Variants in CLOCK observed in about 807,000 individuals in gnomAD.
The protein encoded by CLOCK is circadian locomoter output cycles protein kaput.
A neutral mutation model predicts 118.4 loss-of-function variants in CLOCK; 43 were observed. That is an observed-to-expected ratio of 0.36 (90% CI 0.28 to 0.47). The LOEUF (loss-of-function observed/expected upper bound fraction) is 0.47, where lower values mean the gene tolerates loss of function less well. CLOCK is among the 20% of genes least tolerant of loss of function. The pLI, the probability that CLOCK is intolerant of heterozygous loss-of-function variation, is 1.00. For missense variants in CLOCK, 846 were observed against 999.9 expected (o/e 0.85, Z 2.08); for synonymous variants, 326 against 339.2 (o/e 0.96, Z 0.43).
chr4:55,498,090 G>A (rs1038668412), intron 2 of CLOCK, among the ~76,000 whole-genome samples: 4 of 152,104 alleles, frequency 2.6e-5, no homozygotes, highest in African/African-American at 9.7e-5. Flanking sequence ...GCTAGGTTTA[G>A]AGCTAATTCA....
intron 2 of CLOCK, among the ~76,000 whole-genome samples, chr4:55,495,638 AC>A (rs1728018005): frequency 6.6e-6 from 1 of 151,528 alleles, no homozygotes; most frequent in Admixed American, 6.6e-5. Context: ...CCTCTCCAAT[AC>A]CTCTTTTGAA....
At chr4:55,485,534 T>A (rs995363464) in intron 3 of CLOCK, among the ~76,000 whole-genome samples, 3 of 152,196 alleles carry the variant, frequency 2.0e-5, no homozygotes, top group African/African-American at 7.2e-5. Context: ...GTCACACTTG[T>A]CCATGCTGTG....
intron 2 of CLOCK, among the ~76,000 whole-genome samples, chr4:55,498,248 T>G (rs1728210936): frequency 6.6e-6 from 1 of 152,220 alleles, no homozygotes; most frequent in African/African-American, 2.4e-5. Flanking sequence ...TTCCCCTTTG[T>G]GCAATAATCA....
intron 4 of CLOCK, among the ~76,000 whole-genome samples, chr4:55,480,916 AT>A (rs76851628): frequency 0.3 from 45,302 of 150,364 alleles, 7,467 homozygotes; most frequent in East Asian, 0.58. Flanking sequence ...ATGAGTTTTA[AT>A]TTTTTTTAAA....
At chr4:55,545,095 A>ACAT in intron 1 of CLOCK, among the ~76,000 whole-genome samples, 1 of 146,142 alleles carries the variant, frequency 6.8e-6, no homozygotes, top group Non-Finnish European at 1.5e-5. Flanking sequence ...TTTAAGTTCT[A>ACAT]GGGTACATGT....
At chr4:55,502,891 T>C (rs1046100410) in intron 2 of CLOCK, among the ~76,000 whole-genome samples, 10 of 152,224 alleles carry the variant, frequency 6.6e-5, no homozygotes, top group African/African-American at 2.4e-4. Flanking sequence ...AACAGGCATT[T>C]GAAAATATTC....
intron 2 of CLOCK, among the ~76,000 whole-genome samples, chr4:55,499,499 T>C (rs1210189679): frequency 1.3e-5 from 2 of 152,226 alleles, no homozygotes; most frequent in East Asian, 3.8e-4. Flanking sequence ...ATAAGGAGCA[T>C]ACAACCTAGA....
At chr4:55,504,002 A>AAAAAAAAAAAAAAAAC (rs1728608664) in intron 2 of CLOCK, among the ~76,000 whole-genome samples, 1 of 148,508 alleles carries the variant, frequency 6.7e-6, no homozygotes. Flanking sequence ...AAAAAAAAAA[A>AAAAAAAAAAAAAAAAC]AGCCGGGCAC....
chr4:55,540,007 A>AT (rs57907284), intron 1 of CLOCK, among the ~76,000 whole-genome samples: 114 of 136,008 alleles, frequency 8.4e-4, no homozygotes, highest in South Asian at 4.9e-3. Context: ...AATGATATTA[A>AT]TTTTTTTTTT....
At chr4:55,512,712 C>T (rs946691646) in intron 1 of CLOCK, among the ~76,000 whole-genome samples, 1 of 152,132 alleles carries the variant, frequency 6.6e-6, no homozygotes, top group Non-Finnish European at 1.5e-5. Flanking sequence ...ACATTTAGGT[C>T]TCTGATCCAT....
chr4:55,497,068 T>G (rs554923995), intron 2 of CLOCK, among the ~76,000 whole-genome samples: 13 of 152,310 alleles, frequency 8.5e-5, no homozygotes, highest in African/African-American at 2.9e-4. Context: ...CAACACAAAT[T>G]TACTATCTTA....
At position 55,446,603 on chromosome 4, in the gene CLOCK, C is replaced by T. The variant is rs1462503271; in HGVS notation, c.1540-1818G>A. ...GACTAGGCAAGTATGAATGAATAAA[C>T]GCATACATGAATGAAAATAAAATTA... On this transcript the variant is annotated intron_variant, in intron 18 of 22. Transcript: ENST00000513440. 2.6e-5 allele frequency among the ~76,000 whole-genome samples: 4 copies of T among 152,088 alleles called. No homozygotes were observed. In the East Asian group the frequency reaches 7.7e-4, roughly 29 times the overall value.
At chr4:55,453,355 CTTAAA>C (rs1466522206) in intron 14 of CLOCK, 9 of 502,286 alleles carry the variant, frequency 1.8e-5, no homozygotes, top group East Asian at 6.4e-5. Context: ...CCACACAATA[CTTAAA>C]TTAAGAAAAA....
At chr4:55,463,344 G>A (rs1725505152) in intron 9 of CLOCK, among the ~76,000 whole-genome samples, 1 of 151,854 alleles carries the variant, frequency 6.6e-6, no homozygotes, top group African/African-American at 2.4e-5. Context: ...AAATTAGAAT[G>A]TTTAATTTTC....
intron 7 of CLOCK, among the ~76,000 whole-genome samples, chr4:55,473,166 A>G (rs1335584775): frequency 1.3e-5 from 2 of 152,092 alleles, no homozygotes; most frequent in African/African-American, 4.8e-5. Flanking sequence ...CAGAGGTTGC[A>G]GTGGGCAGAT....
chr4:55,482,802 G>T lies in CLOCK; in HGVS notation c.-17C>A, dbSNP rs1291758667. 6.3e-7 allele frequency: 1 copy of T among 1,599,440 alleles called. No individual in the cohort carries two copies. Among genetic ancestry groups the T allele is most frequent in the Non-Finnish European group, 8.6e-7 (1 of 1,169,544 alleles). On this transcript the variant is annotated 5_prime_UTR_variant, in exon 4 of 23. Coordinates refer to ENST00000513440, the MANE Select transcript of CLOCK (RefSeq NM_004898.4). ...AAACAACATAACATACTACGTTTTC[G>T]TCTTGTAGTAGACATTTGTACTTCT...
intron 18 of CLOCK, among the ~76,000 whole-genome samples, chr4:55,445,582 CTTTTTTTTTTT>C (rs56157186): frequency 2.5e-4 from 17 of 68,574 alleles, no homozygotes; most frequent in Non-Finnish European, 2.5e-4. Context: ...TTTCTATATT[CTTTTTTTTTTT>C]TTTTTTTTTT....
intron 18 of CLOCK, among the ~76,000 whole-genome samples, chr4:55,446,101 C>CTTCTTT (rs1553890777): frequency 9.3e-6 from 1 of 107,372 alleles, no homozygotes. Flanking sequence ...AATTTAACTT[C>CTTCTTT]TTTTTTTTTT....
chr4:55,513,277 T>C (rs1729279782), intron 1 of CLOCK, among the ~76,000 whole-genome samples: 1 of 152,182 alleles, frequency 6.6e-6, no homozygotes, highest in Admixed American at 6.5e-5. Context: ...TCACTACAGT[T>C]AACATGCTGT....
Sources: allele counts gnomAD v4.1 joint callset (sites outside exome capture counted in the v4.1 genomes callset), GRCh38; gene constraint gnomAD v4.1.1; transcripts MANE v1.5; gene names NCBI Gene and HGNC (gene_info 2026-07-23, HGNC 2026-07-21).